Variants in DCBLD2 observed in about 807,000 individuals in gnomAD.
DCBLD2 encodes discoidin, CUB and LCCL domain containing 2.
Under a neutral mutation model 86.8 loss-of-function variants are expected in DCBLD2, and 54 were observed. That is an observed-to-expected ratio of 0.62 (90% CI 0.50 to 0.78). The LOEUF is 0.78. Among genes scored for constraint, DCBLD2 ranks in the 30% least tolerant of loss-of-function variants. The probability of loss-of-function intolerance (pLI) is 0.00; values close to 1 mark genes in which losing one functional copy is unlikely to be tolerated. For synonymous variants in DCBLD2, 354 were observed against 341.3 expected (o/e 1.04, Z -0.41); for missense variants, 908 against 954.2 (o/e 0.95, Z 0.64).
chr3:98,868,074 A>T (rs966106175), intron 2 of DCBLD2, among the ~76,000 whole-genome samples: 1 of 152,160 alleles, frequency 6.6e-6, no homozygotes, highest in Non-Finnish European at 1.5e-5. Flanking sequence ...AAGTTCTGGG[A>T]TTACAGGCGT....
At chr3:98,820,043 T>C (rs931910934) in intron 7 of DCBLD2, among the ~76,000 whole-genome samples, 1 of 152,220 alleles carries the variant, frequency 6.6e-6, no homozygotes, top group Non-Finnish European at 1.5e-5. Context: ...TTAAGGAACC[T>C]TCCTTGCTTA....
intron 2 of DCBLD2, among the ~76,000 whole-genome samples, chr3:98,851,851 A>G (rs774412803): frequency 6.6e-6 from 1 of 152,248 alleles, no homozygotes; most frequent in Non-Finnish European, 1.5e-5. Context: ...TATTTAATAA[A>G]TGCTGTTGGG....
At chr3:98,899,653 T>C (rs1326829029) in intron 1 of DCBLD2, among the ~76,000 whole-genome samples, 2 of 152,136 alleles carry the variant, frequency 1.3e-5, no homozygotes, top group South Asian at 2.1e-4. Flanking sequence ...ATACAAACAC[T>C]ATCAGATCCA....
At chr3:98,879,566 T>C (rs1487451616) in intron 2 of DCBLD2, among the ~76,000 whole-genome samples, 2 of 152,086 alleles carry the variant, frequency 1.3e-5, no homozygotes, top group Non-Finnish European at 2.9e-5. Flanking sequence ...TTTTTGTATT[T>C]TCAGTAGAGG....
intron 13 of DCBLD2, among the ~76,000 whole-genome samples, chr3:98,806,779 C>T (rs1471703380): frequency 6.6e-6 from 1 of 152,162 alleles, no homozygotes; most frequent in Non-Finnish European, 1.5e-5. Context: ...CTCATGACAC[C>T]TCTACTGGTC....
chr3:98,838,447 T>G, intron 3 of DCBLD2, among the ~76,000 whole-genome samples: 2 of 97,000 alleles, frequency 2.1e-5, no homozygotes, highest in South Asian at 4.3e-4. Flanking sequence ...TCTCAGACGA[T>G]GGGCGGCCGG....
intron 2 of DCBLD2, among the ~76,000 whole-genome samples, chr3:98,850,572 A>G (rs1405119397): frequency 1.3e-5 from 2 of 152,152 alleles, no homozygotes; most frequent in Non-Finnish European, 2.9e-5. Flanking sequence ...AAATAATAAA[A>G]ACTGATTTTC....
At chr3:98,819,131 T>C (rs1401854395) in intron 8 of DCBLD2, 71 bp downstream of exon 8, 2 of 1,391,264 alleles carry the variant, frequency 1.4e-6, no homozygotes, top group African/African-American at 2.9e-5. Context: ...TCTCTGAAAA[T>C]CTTAGATGTT....
At chr3:98,868,054 C>T (rs1162302743) in intron 2 of DCBLD2, among the ~76,000 whole-genome samples, 4 of 152,110 alleles carry the variant, frequency 2.6e-5, no homozygotes, top group Non-Finnish European at 5.9e-5. Context: ...CTGCCCACCT[C>T]AGCCTCCCAA....
chr3:98,822,660 C>A lies in DCBLD2; in HGVS notation c.696+9G>T. Reference sequence around the variant, plus strand: ...TCACAATTTTCAAATAAGTTTATATCTGGCTTACATCTCTATATCCATGAG... The same window carrying A: ...TCACAATTTTCAAATAAGTTTATATATGGCTTACATCTCTATATCCATGAG... On this transcript the variant is annotated intron_variant, in intron 5 of 15. Coordinates refer to ENST00000326840, the MANE Select transcript of DCBLD2 (RefSeq NM_080927.4). 6.4e-7 allele frequency: 1 copy of A among 1,565,936 alleles called. No homozygotes were observed. Among genetic ancestry groups the A allele is most frequent in the Middle Eastern group, 1.7e-4 (1 of 5,964 alleles).
chr3:98,812,949 G>C (rs931645407), intron 9 of DCBLD2: 3 of 152,716 alleles, frequency 2.0e-5, no homozygotes, highest in Non-Finnish European at 4.4e-5. Context: ...GGCTGAAGGT[G>C]AACATATACT....
intron 1 of DCBLD2, among the ~76,000 whole-genome samples, chr3:98,884,255 A>C (rs1943521961): frequency 6.6e-6 from 1 of 152,084 alleles, no homozygotes; most frequent in Non-Finnish European, 1.5e-5. Flanking sequence ...GCTATCTTCT[A>C]TACTTGCTTT....
rs1553734160 is a variant in DCBLD2, at chr3:98,886,809, C to CCCTT, written c.206-5043_206-5042insAAGG. Reference sequence around the variant, plus strand: ...ATATTATTACAGGAAAACCCCCCCCCTTTTTTTTTTTTTTTTACTACTTAT... The same window carrying CCCTT: ...ATATTATTACAGGAAAACCCCCCCCCCCTTTTTTTTTTTTTTTTTTACTACTTAT... On this transcript the variant is annotated intron_variant, in intron 1 of 15. Coordinates refer to ENST00000326840, the MANE Select transcript of DCBLD2 (RefSeq NM_080927.4). Among the ~76,000 whole-genome samples, 3 of 121,514 alleles carry CCCTT rather than the reference C, an allele frequency of 2.5e-5. No homozygotes were observed. In the South Asian group the frequency reaches 8.6e-4, roughly 35 times the overall value. 79.7% of individuals were successfully genotyped at this position (121,514 alleles called of 152,430 possible).
intron 7 of DCBLD2, 115 bp from the exon 8 acceptor site, chr3:98,819,532 T>C: frequency 4.7e-6 from 5 of 1,057,028 alleles, no homozygotes; most frequent in Non-Finnish European, 6.9e-6. Context: ...ACACTAATAA[T>C]ACACTGTAAC....
intron 1 of DCBLD2, among the ~76,000 whole-genome samples, chr3:98,895,005 T>C (rs186363384): frequency 6.6e-6 from 1 of 152,012 alleles, no homozygotes; most frequent in East Asian, 1.9e-4. Flanking sequence ...TGAAGGCTGA[T>C]CGAGAGTTTA....
chr3:98,825,643 TTA>T (rs56736194), intron 3 of DCBLD2, among the ~76,000 whole-genome samples: 1,689 of 114,996 alleles, frequency 0.015, 30 homozygotes, highest in East Asian at 0.035. Context: ...ATATGTGTAT[TTA>T]TATATATATA....
intron 2 of DCBLD2, among the ~76,000 whole-genome samples, chr3:98,871,125 G>A (rs1310284808): frequency 2.0e-5 from 3 of 151,730 alleles, no homozygotes; most frequent in Admixed American, 1.3e-4. Context: ...ACTGATGTGT[G>A]TATGGTGATT....
At chr3:98,813,697 C>T (rs1418437643) in intron 9 of DCBLD2, 2 of 152,154 alleles carry the variant, frequency 1.3e-5, no homozygotes, top group African/African-American at 2.4e-5. Flanking sequence ...AACTAACTAG[C>T]AACAAATGCA....
chr3:98,802,697 C>T (rs536301853), intron 13 of DCBLD2, among the ~76,000 whole-genome samples: 13 of 152,236 alleles, frequency 8.5e-5, no homozygotes, highest in African/African-American at 3.1e-4. Flanking sequence ...ACATTTAAGT[C>T]TTTAATCCAT....
Sources: gnomAD v4.1 joint callset for allele counts (sites outside exome capture counted in the v4.1 genomes callset) on GRCh38, gnomAD v4.1.1 for gene constraint, MANE v1.5 for transcripts, NCBI Gene and HGNC (gene_info 2026-07-23, HGNC 2026-07-21) for gene names.